CDH13: variants seen among roughly 807,000 people sequenced by gnomAD.
The protein encoded by CDH13 is cadherin 13.
A neutral mutation model predicts 63.8 loss-of-function variants in CDH13; 24 were observed. The ratio of observed to expected loss-of-function variants is 0.38; its 90% CI spans 0.27 to 0.53. The LOEUF (loss-of-function observed/expected upper bound fraction) is 0.53. Among genes scored for constraint, CDH13 ranks in the 20% least tolerant of loss-of-function variants. The pLI is 0.85. For synonymous variants in CDH13, 503 were observed against 355.3 expected, an observed-to-expected ratio of 1.42 and a Z score of -4.67; for missense variants, 1,049 against 903.1, an observed-to-expected ratio of 1.16 and a Z score of -2.07.
chr16:83,263,111 T>C (rs1472705791), intron 5 of CDH13, among the ~76,000 whole-genome samples: 1 of 152,182 alleles, frequency 6.6e-6, no homozygotes, highest in Non-Finnish European at 1.5e-5. Flanking sequence ...GAGGGAGAGA[T>C]GGATGGGCTG....
At chr16:83,228,865 C>T (rs549384112) in intron 5 of CDH13, among the ~76,000 whole-genome samples, 12 of 152,214 alleles carry the variant, frequency 7.9e-5, no homozygotes, top group South Asian at 6.2e-4. Flanking sequence ...GGGACTGATC[C>T]GGTTGACATG....
At chr16:83,614,432 G>C (rs1909116390) in intron 8 of CDH13, among the ~76,000 whole-genome samples, 1 of 152,162 alleles carries the variant, frequency 6.6e-6, no homozygotes, top group African/African-American at 2.4e-5. Flanking sequence ...TTGGCCCTCT[G>C]GCCTCTTAGA....
intron 2 of CDH13, among the ~76,000 whole-genome samples, chr16:82,872,988 A>C (rs988923392): frequency 2.0e-5 from 3 of 152,202 alleles, no homozygotes; most frequent in Non-Finnish European, 4.4e-5. Context: ...AACACAGGAA[A>C]ACGGCACATG....
At chr16:83,782,616 A>G (rs569843854) in intron 12 of CDH13, among the ~76,000 whole-genome samples, 3 of 152,040 alleles carry the variant, frequency 2.0e-5, no homozygotes, top group Admixed American at 1.3e-4. Context: ...TGTGCCTGTA[A>G]TCCCAGCTAC....
chr16:83,218,885 T>C (rs892429931), intron 5 of CDH13, among the ~76,000 whole-genome samples: 2 of 152,186 alleles, frequency 1.3e-5, no homozygotes, highest in African/African-American at 4.8e-5. Context: ...TCATGAGATC[T>C]GATGGTTTTA....
chr16:82,864,728 C>A (rs34164761), intron 2 of CDH13, among the ~76,000 whole-genome samples: 13,755 of 152,172 alleles, frequency 0.09, 1,967 homozygotes, highest in East Asian at 0.72. Context: ...GCCCCTGGTT[C>A]CTCCCAAATC....
intron 3 of CDH13, among the ~76,000 whole-genome samples, chr16:83,115,858 C>T (rs2151628600): frequency 6.6e-6 from 1 of 152,312 alleles, no homozygotes; most frequent in Admixed American, 6.5e-5. Context: ...TATGCAAAGC[C>T]AGGGTCCAGG....
At chr16:83,596,375 C>G (rs1422221624) in intron 7 of CDH13, among the ~76,000 whole-genome samples, 1 of 152,184 alleles carries the variant, frequency 6.6e-6, no homozygotes, top group Admixed American at 6.5e-5. Context: ...CTCAGTCCCA[C>G]ATTTCCTCTT....
intron 2 of CDH13, among the ~76,000 whole-genome samples, chr16:82,931,852 CAT>C (rs1567672481): frequency 6.6e-6 from 1 of 152,118 alleles, no homozygotes; most frequent in African/African-American, 2.4e-5. Flanking sequence ...CCACCTACAA[CAT>C]GTGGGAATTA....
intron 5 of CDH13, among the ~76,000 whole-genome samples, chr16:83,326,606 G>A (rs965532325): frequency 1.3e-5 from 2 of 152,022 alleles, no homozygotes; most frequent in African/African-American, 4.8e-5. Context: ...GCCTGGTAGT[G>A]GCATGCTTGC....
intron 1 of CDH13, chr16:82,719,268 T>G (rs556877672): frequency 5.1e-5 from 21 of 413,464 alleles, no homozygotes; most frequent in South Asian, 3.2e-4. Flanking sequence ...GTAATATAAT[T>G]TTGGCCTGAG....
chr16:83,171,329 TC>T (rs1247121507), intron 4 of CDH13, among the ~76,000 whole-genome samples: 1 of 152,036 alleles, frequency 6.6e-6, no homozygotes, highest in Non-Finnish European at 1.5e-5. Context: ...AAAGGGATGG[TC>T]CTAAACCATT....
At chr16:82,743,980 G>C (rs948026622) in intron 1 of CDH13, among the ~76,000 whole-genome samples, 3 of 152,156 alleles carry the variant, frequency 2.0e-5, no homozygotes, top group Non-Finnish European at 4.4e-5. Flanking sequence ...TGCTCTTTTA[G>C]ACTTTGGAGA....
chr16:83,442,553 GT>G (rs11320184), intron 6 of CDH13, among the ~76,000 whole-genome samples: 151,152 of 151,858 alleles, frequency 1, 75,230 homozygotes, highest in Middle Eastern at 1. Context: ...CACATTGCAA[GT>G]TTTTTTTTTC....
intron 7 of CDH13, among the ~76,000 whole-genome samples, chr16:83,540,540 T>C (rs1303959971): frequency 1.3e-5 from 2 of 152,202 alleles, no homozygotes; most frequent in African/African-American, 4.8e-5. Flanking sequence ...TCTCTTCTTC[T>C]TCCCCAGACC....
chr16:82,832,963 G>C (rs913656028), intron 1 of CDH13, among the ~76,000 whole-genome samples: 1 of 152,170 alleles, frequency 6.6e-6, no homozygotes, highest in African/African-American at 2.4e-5. Context: ...CTACATCATA[G>C]AACTGCAGCC....
intron 4 of CDH13, among the ~76,000 whole-genome samples, chr16:83,179,544 C>T (rs1167316475): frequency 6.7e-6 from 1 of 149,528 alleles, no homozygotes; most frequent in African/African-American, 2.5e-5. Flanking sequence ...CCCAGCTACT[C>T]GGGAGGCTGA....
intron 1 of CDH13, among the ~76,000 whole-genome samples, chr16:82,735,553 A>G (rs549544293): frequency 4.5e-4 from 69 of 152,352 alleles, no homozygotes; most frequent in African/African-American, 1.6e-3. Context: ...TTTGTTTCCA[A>G]TCTGACAGAG....
intron 7 of CDH13, among the ~76,000 whole-genome samples, chr16:83,589,113 G>T (rs1275691649): frequency 6.6e-6 from 1 of 152,136 alleles, no homozygotes; most frequent in Non-Finnish European, 1.5e-5. Flanking sequence ...GGCTCCAAGG[G>T]AGAATCCATT....
Sources: allele counts gnomAD v4.1 joint callset (sites outside exome capture counted in the v4.1 genomes callset), GRCh38; gene constraint gnomAD v4.1.1; transcripts MANE v1.5; gene names NCBI Gene and HGNC (gene_info 2026-07-23, HGNC 2026-07-21).